CD200R1L: variants seen among roughly 807,000 people sequenced by gnomAD.
The protein encoded by CD200R1L is CD200 receptor 1 like.
Under a neutral mutation model 24.8 loss-of-function variants are expected in CD200R1L, and 14 were observed. The ratio of observed to expected loss-of-function variants is 0.56; its 90% CI spans 0.37 to 0.88. CD200R1L has a LOEUF of 0.88. Among genes scored for constraint, CD200R1L ranks in the 40% least tolerant of loss-of-function variants. The pLI is 0.00. For synonymous variants in CD200R1L, 111 were observed against 109.2 expected, an observed-to-expected ratio of 1.02 and a Z score of -0.11; for missense variants, 299 against 297.8, an observed-to-expected ratio of 1.00 and a Z score of -0.03.
At chr3:112,843,888 A>G (rs374236925) in intron 2 of CD200R1L, among the ~76,000 whole-genome samples, 20 of 152,328 alleles carry the variant, frequency 1.3e-4, no homozygotes, top group East Asian at 9.6e-4. Context: ...AACAAAAAAG[A>G]GCAGGGGTCA....
chr3:112,843,065 T>G lies in CD200R1L; in HGVS notation c.-87+2614A>C, dbSNP rs149563247. Among the ~76,000 whole-genome samples, 462 of 152,314 alleles carry G rather than the reference T, an allele frequency of 3.0e-3. 1 individual carries two copies. Among genetic ancestry groups the G allele is most frequent in the African/African-American group, 0.011 (440 of 41,560 alleles). The stretch of plus-strand genomic sequence containing the variant: ...GCCAAGCTCAGAGGACCAGCGGGTC[T>G]CCAAGGAGTTGTGGGCCTCCTGGTA... On this transcript the variant is annotated intron_variant, in intron 2 of 7. Coordinates refer to ENST00000488794, the MANE Select transcript of CD200R1L (RefSeq NM_001199215.3).
chr3:112,816,789 G>C (rs75472444), intron 7 of CD200R1L, among the ~76,000 whole-genome samples: 1 of 152,148 alleles, frequency 6.6e-6, no homozygotes, highest in Non-Finnish European at 1.5e-5. Context: ...CCTGGTGAGC[G>C]GTAATTGAAT....
chr3:112,835,180 A>C (rs1388629905), intron 3 of CD200R1L, among the ~76,000 whole-genome samples: 1 of 152,164 alleles, frequency 6.6e-6, no homozygotes, highest in East Asian at 1.9e-4. Flanking sequence ...AGGGCGAGCA[A>C]GGTTAAGAGG....
rs1939209821 is a variant in CD200R1L at position 112,846,863 on chromosome 3, A to G, written c.-597T>C. On this transcript the variant is annotated 5_prime_UTR_variant, in exon 1 of 8. Coordinates refer to ENST00000488794, the MANE Select transcript of CD200R1L (RefSeq NM_001199215.3). Reference sequence around the variant, plus strand: ...CAGAGATCTGAGTGATGTTTCTTCTACAAGCCAAGGAAAACCAAAGGTTGC... The same window carrying G: ...CAGAGATCTGAGTGATGTTTCTTCTGCAAGCCAAGGAAAACCAAAGGTTGC... 1 of 152,252 alleles carries G rather than the reference A, an allele frequency of 6.6e-6. No individual in the cohort carries two copies. Among genetic ancestry groups the G allele is most frequent in the Non-Finnish European group, 1.5e-5 (1 of 68,052 alleles). 9.4% of individuals were successfully genotyped at this position (152,252 alleles called of 1,614,324 possible).
Position 112,827,442 on chromosome 3 carries a change from G to C in CD200R1L, c.292C>G (p.His98Asp). ...ACTATGCCTCTGTAATACCCGTCAT[G>C]AGTGGTGTCCACCGGACGAATCTGA... ...DLQIRPVDTT[H>D]DGYYRGIVVT... The change falls in exon 5 of 8, where the codon CAT (histidine) becomes GAT (aspartate). Residue 98 changes from histidine (H) to aspartate (D), a missense_variant. Coordinates refer to ENST00000488794, the MANE Select transcript of CD200R1L (RefSeq NM_001199215.3). 6.2e-7 allele frequency: 1 copy of C among 1,614,164 alleles called. No homozygotes were observed. The highest frequency in any genetic ancestry group is 1.1e-5 in the South Asian group (1 of 91,072).
rs1217431841 is a variant in CD200R1L at position 112,827,469 on chromosome 3, G to C, written c.265C>G (p.Leu89Val). 23 of 1,614,046 alleles carry C rather than the reference G, an allele frequency of 1.4e-5. No individual in the cohort carries two copies. Among genetic ancestry groups the C allele is most frequent in the Non-Finnish European group, 1.9e-5 (23 of 1,180,024 alleles). The change falls in exon 5 of 8, where the codon CTT becomes GTT. Residue 89 changes from leucine to valine, a missense_variant. Transcript: ENST00000488794. The part of the protein sequence containing the change: ...WVSRPDQNSD[L>V]QIRPVDTTHD... ...GTGGTGTCCACCGGACGAATCTGAA[G>C]GTCCGAATTCTGATCAGGTCTAGAG... is the stretch of plus-strand genomic sequence containing the variant.
intron 3 of CD200R1L, among the ~76,000 whole-genome samples, chr3:112,830,498 G>GTTTTTTTTTTTTTTTTTTTTTTTTTT (rs11391916): frequency 9.8e-6 from 1 of 102,034 alleles, no homozygotes; most frequent in Non-Finnish European, 1.9e-5. Context: ...TGTCATTGCA[G>GTTTTTTTTTTTTTTTTTTTTTTTTTT]TTTTTTTTTT....
At position 112,819,805 on chromosome 3, in the gene CD200R1L, C is replaced by A. The variant is rs1938488831; in HGVS notation, c.707G>T (p.Gly236Val). ...SLFVVILVTT[G>V]FVFFQRINHV... Reference sequence around the variant, plus strand: ...ATTTATCCTCTGGAAGAAAACAAATCCTGTGGTGACCAGAATGACCACAAA... The same window carrying A: ...ATTTATCCTCTGGAAGAAAACAAATACTGTGGTGACCAGAATGACCACAAA... The change falls in exon 7 of 8, where the codon GGA (glycine) becomes GTA (valine). Residue 236 changes from glycine to valine, a missense_variant. Coordinates refer to ENST00000488794, the MANE Select transcript of CD200R1L (RefSeq NM_001199215.3). 1.2e-6 allele frequency: 2 copies of A among 1,611,202 alleles called. No individual in the cohort carries two copies. The highest frequency in any genetic ancestry group is 1.7e-6 in the Non-Finnish European group (2 of 1,179,008).
In CD200R1L at chr3:112,827,109, C is replaced by T. The variant is rs1359338711; in HGVS notation, c.500G>A (p.Gly167Asp). 3 of 1,613,440 alleles carry T rather than the reference C, an allele frequency of 1.9e-6. No homozygotes were observed. The highest frequency in any genetic ancestry group is 2.2e-5 in the East Asian group (1 of 44,882). Reference protein sequence around the residue: ...SILATKQEYWGNGTVTVKSTC... With the variant: ...SILATKQEYWDNGTVTVKSTC... ...ACTCTTAACCGTCACTGTGCCATTG[C>T]CCCAGTATTCTTGCTTAGTGGCAAG... The change falls in exon 6 of 8, where the codon GGC becomes GAC. Residue 167 changes from glycine to aspartate, a missense_variant. By Grantham distance (94) the Gly-to-Asp change is moderately conservative (BLOSUM62 -1). Transcript: ENST00000488794.
rs770613440 is a variant in CD200R1L at position 112,827,381 on chromosome 3, T to C, written c.353A>G (p.His118Arg). The change falls in exon 5 of 8, where the codon CAC becomes CGC. Residue 118 changes from histidine to arginine, a missense_variant. Coordinates refer to ENST00000488794, the MANE Select transcript of CD200R1L (RefSeq NM_001199215.3). ...ATGCTCCTTACCTAACACTTGGAGG[T>C]GATATCCACGATGGAAATTCCCATC... ...TPDGNFHRGY[H>R]LQVLVTPEVN... The C allele has an allele frequency of 9.3e-6, 15 of 1,613,528 alleles. No homozygotes were observed. The East Asian group carries it at 3.3e-4, about 36-fold the overall frequency.
chr3:112,827,796 A>T (rs1938704274), intron 4 of CD200R1L, 112 bp from the exon 5 acceptor site: 3 of 1,019,852 alleles, frequency 2.9e-6, no homozygotes, highest in Non-Finnish European at 4.2e-6. Flanking sequence ...AAATTTGCTG[A>T]TCTTATTCCA....
At chr3:112,825,285 G>A (rs1319687439) in intron 6 of CD200R1L, among the ~76,000 whole-genome samples, 2 of 150,566 alleles carry the variant, frequency 1.3e-5, no homozygotes, top group Admixed American at 1.3e-4. Context: ...GCATGTAAAA[G>A]GGAACAGAGG....
At position 112,846,689 on chromosome 3, in the gene CD200R1L, G is replaced by A. The variant is rs1476888537; in HGVS notation, c.-423C>T. On this transcript the variant is annotated 5_prime_UTR_variant, in exon 1 of 8. Transcript: ENST00000488794. ...ATATAATTAGTTAAGATGTGGCCATGCTGAAATAGATTGGTCCCTAATCCA... is the reference window on the plus strand; with the variant it reads ...ATATAATTAGTTAAGATGTGGCCATACTGAAATAGATTGGTCCCTAATCCA... 6.6e-6 allele frequency: 1 copy of A among 152,236 alleles called. No homozygotes were observed. The highest frequency in any genetic ancestry group is 1.5e-5 in the Non-Finnish European group (1 of 68,042). 9.4% of individuals were successfully genotyped at this position (152,236 alleles called of 1,614,324 possible). A position where few individuals can be genotyped will look rare whatever the true frequency, so the allele number is the denominator to read the frequency against.
At chr3:112,839,328 AT>A (rs1939029735) in intron 2 of CD200R1L, among the ~76,000 whole-genome samples, 1 of 152,252 alleles carries the variant, frequency 6.6e-6, no homozygotes, top group African/African-American at 2.4e-5. Context: ...CAATAGAGAT[AT>A]GCGAAAATGT....
At chr3:112,826,888 G>T in intron 6 of CD200R1L, 105 bp downstream of exon 6, 2 of 1,303,544 alleles carry the variant, frequency 1.5e-6, no homozygotes, top group Non-Finnish European at 1.0e-6. Context: ...ATATTTTCAA[G>T]CTAGGAGCTC....
At chr3:112,820,176 A>C (rs1938500965) in intron 6 of CD200R1L, among the ~76,000 whole-genome samples, 1 of 152,238 alleles carries the variant, frequency 6.6e-6, no homozygotes, top group African/African-American at 2.4e-5. Flanking sequence ...TTTTATAAGA[A>C]AAGCAATATG....
intron 4 of CD200R1L, among the ~76,000 whole-genome samples, chr3:112,827,986 A>G (rs2107339296): frequency 6.6e-6 from 1 of 152,372 alleles, no homozygotes; most frequent in African/African-American, 2.4e-5. Flanking sequence ...TTTAATATCT[A>G]GAAACAGAAA....
chr3:112,837,304 G>A (rs1938972443), intron 3 of CD200R1L, among the ~76,000 whole-genome samples: 1 of 151,648 alleles, frequency 6.6e-6, no homozygotes, highest in South Asian at 2.1e-4. Flanking sequence ...ATCAGTTCTT[G>A]GAATCATTTA....
chr3:112,821,812 T>A (rs1000428543), intron 6 of CD200R1L, among the ~76,000 whole-genome samples: 5 of 152,164 alleles, frequency 3.3e-5, no homozygotes, highest in Non-Finnish European at 7.3e-5. Flanking sequence ...AGATTATAAA[T>A]CATCTAAGGA....
Sources: allele counts gnomAD v4.1 joint callset (sites outside exome capture counted in the v4.1 genomes callset), GRCh38; gene constraint gnomAD v4.1.1; transcripts MANE v1.5; gene names NCBI Gene and HGNC (gene_info 2026-07-23, HGNC 2026-07-21).